The following UBE2D2 variants were observed in gnomAD, a reference collection of about 807,000 sequenced individuals.
The protein encoded by UBE2D2 is ubiquitin conjugating enzyme E2 D2.
A neutral mutation model predicts 24.2 loss-of-function variants in UBE2D2; 2 were observed. The ratio of observed to expected loss-of-function variants is 0.08; its 90% confidence interval spans 0.03 to 0.26. The LOEUF (loss-of-function observed/expected upper bound fraction) is 0.26, where lower values mean the gene tolerates loss of function less well. Ranked by LOEUF, UBE2D2 falls within the 10% of genes least tolerant of loss-of-function variation. The pLI is 1.00. For missense variants in UBE2D2, 44 were observed against 177.6 expected, an observed-to-expected ratio of 0.25 and a Z score of 4.28; for synonymous variants, 58 against 56.5, an observed-to-expected ratio of 1.03 and a Z score of -0.12.
intron 6 of UBE2D2, among the ~76,000 whole-genome samples, chr5:139,624,299 T>C (rs1199775818): frequency 6.6e-6 from 1 of 152,224 alleles, no homozygotes; most frequent in African/African-American, 2.4e-5. Flanking sequence ...AAAAGTGTTC[T>C]AGTAGCATTT....
chr5:139,566,896 AT>A (rs1016538921), intron 1 of UBE2D2, among the ~76,000 whole-genome samples: 2 of 151,518 alleles, frequency 1.3e-5, no homozygotes, highest in African/African-American at 4.9e-5. Context: ...ACAAATCCAG[AT>A]TTTTTGGCAA....
intron 5 of UBE2D2, among the ~76,000 whole-genome samples, chr5:139,616,721 T>TC (rs1465698606): frequency 2.0e-5 from 3 of 152,194 alleles, no homozygotes; most frequent in Non-Finnish European, 4.4e-5. Flanking sequence ...CCATGCCCAT[T>TC]CACCCAATAA....
At chr5:139,600,522 T>C in intron 2 of UBE2D2, 87 bp downstream of exon 2, 2 of 1,372,690 alleles carry the variant, frequency 1.5e-6, no homozygotes, top group Non-Finnish European at 2.0e-6. Flanking sequence ...GAAGAGGCAG[T>C]GTTTAACCCT....
chr5:139,603,258 G>A (rs1754119439), intron 2 of UBE2D2, among the ~76,000 whole-genome samples: 3 of 152,142 alleles, frequency 2.0e-5, no homozygotes, highest in African/African-American at 7.2e-5. Context: ...TCTTTAGCAT[G>A]CTAAAGTAAT....
At chr5:139,536,027 G>A (rs1410193600) in intron 1 of UBE2D2, among the ~76,000 whole-genome samples, 1 of 151,604 alleles carries the variant, frequency 6.6e-6, no homozygotes. Flanking sequence ...CAAGTATCTG[G>A]AATTACAGGC....
chr5:139,571,278 G>A (rs951737585), intron 1 of UBE2D2, among the ~76,000 whole-genome samples: 2 of 151,804 alleles, frequency 1.3e-5, no homozygotes, highest in Non-Finnish European at 2.9e-5. Context: ...ACAGTGGTGG[G>A]CACCTGTAAT....
intron 1 of UBE2D2, among the ~76,000 whole-genome samples, chr5:139,534,209 G>T (rs1752633899): frequency 6.6e-6 from 1 of 151,928 alleles, no homozygotes; most frequent in South Asian, 2.1e-4. Context: ...CAGGCGGGCA[G>T]ATCACCTGAG....
intron 1 of UBE2D2, among the ~76,000 whole-genome samples, chr5:139,550,866 T>TA (rs1337195371): frequency 2.0e-5 from 3 of 152,126 alleles, no homozygotes; most frequent in Non-Finnish European, 4.4e-5. Flanking sequence ...ACTCCGGACA[T>TA]ACCATCTTTA....
intron 1 of UBE2D2, among the ~76,000 whole-genome samples, chr5:139,531,233 C>A (rs1752593186): frequency 6.6e-6 from 1 of 152,206 alleles, no homozygotes; most frequent in Non-Finnish European, 1.5e-5. Flanking sequence ...TGGCCTAAAC[C>A]CAGTAGTTAA....
intron 1 of UBE2D2, among the ~76,000 whole-genome samples, chr5:139,599,074 A>G (rs1358565477): frequency 6.6e-6 from 1 of 151,582 alleles, no homozygotes; most frequent in African/African-American, 2.4e-5. Flanking sequence ...GACTATAGAC[A>G]TGCACCCACT....
upstream of UBE2D2, among the ~76,000 whole-genome samples, chr5:139,559,791 C>T (rs926456695): frequency 1.3e-5 from 2 of 152,122 alleles, no homozygotes; most frequent in African/African-American, 4.8e-5. Context: ...AATCAGAAAA[C>T]GCCAGGGGTA....
intron 1 of UBE2D2, among the ~76,000 whole-genome samples, chr5:139,540,243 C>T (rs1752737215): frequency 6.6e-6 from 1 of 152,002 alleles, no homozygotes; most frequent in Non-Finnish European, 1.5e-5. Flanking sequence ...TAAGATGTAA[C>T]CATTGGGGGA....
At chr5:139,608,454 T>C (rs1348663242) in intron 2 of UBE2D2, among the ~76,000 whole-genome samples, 1 of 151,212 alleles carries the variant, frequency 6.6e-6, no homozygotes, top group African/African-American at 2.4e-5. Flanking sequence ...AAAAGAAGGG[T>C]ATTCTGGGTA....
At chr5:139,586,896 G>T (rs1028229072) in intron 1 of UBE2D2, among the ~76,000 whole-genome samples, 1 of 152,080 alleles carries the variant, frequency 6.6e-6, no homozygotes, top group African/African-American at 2.4e-5. Context: ...ATACAATATA[G>T]TGCCTTGTTT....
chr5:139,624,864 C>G (rs764732486), intron 6 of UBE2D2, among the ~76,000 whole-genome samples: 3 of 152,196 alleles, frequency 2.0e-5, no homozygotes, highest in Non-Finnish European at 4.4e-5. Flanking sequence ...GATATTCTAA[C>G]AGTAGTTGGT....
chr5:139,529,028 A>G (rs1189371800), intron 1 of UBE2D2, among the ~76,000 whole-genome samples: 1 of 152,242 alleles, frequency 6.6e-6, no homozygotes, highest in Admixed American at 6.5e-5. Context: ...TTGGACTTGT[A>G]CAATAAGGAC....
chr5:139,609,167 T>G (rs947662174), intron 2 of UBE2D2, among the ~76,000 whole-genome samples: 1 of 152,234 alleles, frequency 6.6e-6, no homozygotes, highest in African/African-American at 2.4e-5. Flanking sequence ...AGAAAAAGAT[T>G]GATCCTGAAA....
intron 1 of UBE2D2, among the ~76,000 whole-genome samples, chr5:139,528,508 G>A (rs1369308563): frequency 4.6e-5 from 7 of 152,132 alleles, no homozygotes; most frequent in African/African-American, 9.7e-5. Flanking sequence ...ACAACTAGAC[G>A]GGGTTTCCAA....
chr5:139,582,965 C>T (rs542622297), intron 1 of UBE2D2, among the ~76,000 whole-genome samples: 41 of 150,310 alleles, frequency 2.7e-4, no homozygotes, highest in Middle Eastern at 7.2e-3. Flanking sequence ...CCACTGCGCC[C>T]GGCTTTTTTT....
Sources: gnomAD v4.1 joint callset for allele counts (sites outside exome capture counted in the v4.1 genomes callset) on GRCh38, gnomAD v4.1.1 for gene constraint, MANE v1.5 for transcripts, NCBI Gene and HGNC (gene_info 2026-07-23, HGNC 2026-07-21) for gene names.